The following ULK4 variants were observed in gnomAD, a reference collection of about 807,000 sequenced individuals.
The protein encoded by ULK4 is inactive serine/threonine-protein kinase ULK4.
Under a neutral mutation model 160.6 loss-of-function variants are expected in ULK4, and 133 were observed. The observed-to-expected ratio is 0.83, with a 90% CI of 0.72 to 0.96. ULK4 has a LOEUF of 0.96. Among genes scored for constraint, ULK4 ranks in the 40% least tolerant of loss-of-function variants. The pLI is 0.00. For synonymous variants in ULK4, 534 were observed against 539.8 expected (o/e 0.99, Z 0.15); for missense variants, 1,580 against 1,499.5 (o/e 1.05, Z -0.89).
chr3:41,709,867 T>C (rs2037032416), intron 25 of ULK4, among the ~76,000 whole-genome samples: 1 of 152,206 alleles, frequency 6.6e-6, no homozygotes, highest in Non-Finnish European at 1.5e-5. Flanking sequence ...TACGGATTAC[T>C]AAGTAAAGAA....
chr3:41,749,298 C>T (rs1259415310), intron 22 of ULK4, among the ~76,000 whole-genome samples: 2 of 152,098 alleles, frequency 1.3e-5, no homozygotes, highest in Non-Finnish European at 2.9e-5. Context: ...GTCTGGTCAA[C>T]GTGGTGAAAC....
intron 2 of ULK4, among the ~76,000 whole-genome samples, chr3:41,951,194 C>T (rs996298228): frequency 4.2e-5 from 6 of 142,992 alleles, no homozygotes; most frequent in Non-Finnish European, 6.1e-5. Flanking sequence ...GAAAATATCA[C>T]GTGTTTATGA....
At chr3:41,549,557 A>G (rs2086989811) in intron 32 of ULK4, among the ~76,000 whole-genome samples, 1 of 152,148 alleles carries the variant, frequency 6.6e-6, no homozygotes, top group South Asian at 2.1e-4. Flanking sequence ...CCATAAAGAG[A>G]GCAAATATTC....
chr3:41,951,968 T>C (rs1700308140), intron 2 of ULK4, among the ~76,000 whole-genome samples: 1 of 152,206 alleles, frequency 6.6e-6, no homozygotes, highest in Non-Finnish European at 1.5e-5. Context: ...TAAATTTCTG[T>C]TATTTATAAG....
At chr3:41,320,638 T>A (rs2080227802) in intron 35 of ULK4, among the ~76,000 whole-genome samples, 1 of 132,406 alleles carries the variant, frequency 7.6e-6, no homozygotes, top group Non-Finnish European at 1.6e-5. Context: ...CATCTAGGGC[T>A]GGGTGCAGCG....
intron 35 of ULK4, among the ~76,000 whole-genome samples, chr3:41,264,512 G>A (rs568779543): frequency 6.6e-6 from 1 of 152,336 alleles, no homozygotes; most frequent in Admixed American, 6.5e-5. Context: ...ACCCTCTCTT[G>A]TAGGGCTAAA....
intron 22 of ULK4, 74 bp downstream of exon 22, chr3:41,754,287 G>T: frequency 1.3e-6 from 2 of 1,488,074 alleles, no homozygotes; most frequent in Non-Finnish European, 1.8e-6. Context: ...CAGAGGCCAA[G>T]AAATACCCTA....
intron 35 of ULK4, among the ~76,000 whole-genome samples, chr3:41,327,175 A>AG (rs1261900808): frequency 3.3e-5 from 5 of 152,108 alleles, no homozygotes; most frequent in Admixed American, 6.5e-5. Flanking sequence ...GGCTTCTAGG[A>AG]GGGGGAAAAA....
chr3:41,359,382 G>C (rs188847527), intron 35 of ULK4, among the ~76,000 whole-genome samples: 1 of 152,366 alleles, frequency 6.6e-6, no homozygotes, highest in East Asian at 1.9e-4. Flanking sequence ...ATGGAGAGGA[G>C]TAGCAGTCTT....
chr3:41,248,019 A>G (rs2078677003), intron 36 of ULK4, among the ~76,000 whole-genome samples: 2 of 152,252 alleles, frequency 1.3e-5, no homozygotes, highest in South Asian at 4.1e-4. Context: ...GGTGCAGGAC[A>G]GACCACCAGC....
At chr3:41,545,211 C>T (rs1292534152) in intron 32 of ULK4, among the ~76,000 whole-genome samples, 1 of 152,112 alleles carries the variant, frequency 6.6e-6, no homozygotes. Flanking sequence ...CATATTTAAC[C>T]ACATTCGCGT....
At chr3:41,874,743 T>C (rs936043690) in intron 17 of ULK4, among the ~76,000 whole-genome samples, 9 of 152,152 alleles carry the variant, frequency 5.9e-5, no homozygotes, top group African/African-American at 2.2e-4. Flanking sequence ...AGACTACATA[T>C]TGAGTACAGT....
intron 21 of ULK4, among the ~76,000 whole-genome samples, chr3:41,780,314 T>G (rs1575696736): frequency 6.6e-6 from 1 of 151,878 alleles, no homozygotes; most frequent in East Asian, 1.9e-4. Flanking sequence ...GGGTCAAAAA[T>G]TAAATAAAGT....
intron 35 of ULK4, among the ~76,000 whole-genome samples, chr3:41,324,199 TAAA>T (rs1176572129): frequency 6.6e-6 from 1 of 152,154 alleles, no homozygotes; most frequent in Non-Finnish European, 1.5e-5. Context: ...CAAAGGGACA[TAAA>T]GAAGATGTAG....
At chr3:41,269,668 TTA>T (rs1343748295) in intron 35 of ULK4, among the ~76,000 whole-genome samples, 1 of 152,210 alleles carries the variant, frequency 6.6e-6, no homozygotes, top group Non-Finnish European at 1.5e-5. Flanking sequence ...AAACAAATTA[TTA>T]TATAGATTAT....
At chr3:41,629,885 T>G (rs757559943) in intron 30 of ULK4, among the ~76,000 whole-genome samples, 4 of 152,080 alleles carry the variant, frequency 2.6e-5, no homozygotes, top group African/African-American at 7.2e-5. Context: ...TAATTCCAGC[T>G]ACTCAGGAGG....
At chr3:41,370,770 G>A (rs918295253) in intron 35 of ULK4, among the ~76,000 whole-genome samples, 1 of 152,186 alleles carries the variant, frequency 6.6e-6, no homozygotes, top group African/African-American at 2.4e-5. Context: ...AACCCCAGTG[G>A]CGCCTGGAAC....
intron 30 of ULK4, among the ~76,000 whole-genome samples, chr3:41,642,557 T>C (rs1052404586): frequency 6.6e-6 from 1 of 152,232 alleles, no homozygotes; most frequent in Non-Finnish European, 1.5e-5. Flanking sequence ...CCATGGTGTA[T>C]ATGTGCCACA....
At chr3:41,730,682 A>T (rs1402371148) in intron 22 of ULK4, among the ~76,000 whole-genome samples, 1 of 152,174 alleles carries the variant, frequency 6.6e-6, no homozygotes, top group East Asian at 1.9e-4. Context: ...GAATACTGTC[A>T]AACATTTAAA....
Sources: gnomAD v4.1 joint callset for allele counts (sites outside exome capture counted in the v4.1 genomes callset) on GRCh38, gnomAD v4.1.1 for gene constraint, MANE v1.5 for transcripts, NCBI Gene and HGNC (gene_info 2026-07-23, HGNC 2026-07-21) for gene names.